ARHGAP32: variants seen among roughly 807,000 people sequenced by gnomAD.
ARHGAP32 encodes the protein Rho GTPase activating protein 32.
Under a neutral mutation model 186.5 loss-of-function variants are expected in ARHGAP32, and 51 were observed. That is an observed-to-expected ratio of 0.27 (90% confidence interval 0.22 to 0.35). ARHGAP32 has a LOEUF of 0.35. Ranked by LOEUF, ARHGAP32 falls within the 10% of genes least tolerant of loss-of-function variation. The pLI is 1.00. For synonymous variants in ARHGAP32, 950 were observed against 964.3 expected, an observed-to-expected ratio of 0.99 and a Z score of 0.27; for missense variants, 2,186 against 2,623.5, an observed-to-expected ratio of 0.83 and a Z score of 3.64.
At chr11:129,025,352 G>C (rs1938788608) in intron 11 of ARHGAP32, among the ~76,000 whole-genome samples, 2 of 152,094 alleles carry the variant, frequency 1.3e-5, no homozygotes, top group Admixed American at 1.3e-4. Flanking sequence ...TCTGAACATA[G>C]AATTGTTGAT....
chr11:129,109,218 CA>C (rs1942135902), intron 5 of ARHGAP32, among the ~76,000 whole-genome samples: 1 of 152,058 alleles, frequency 6.6e-6, no homozygotes, highest in African/African-American at 2.4e-5. Context: ...CATGTTGCTG[CA>C]AATGACAGAA....
chr11:129,156,305 C>T (rs944461974), intron 2 of ARHGAP32, among the ~76,000 whole-genome samples: 1 of 152,188 alleles, frequency 6.6e-6, no homozygotes, highest in Non-Finnish European at 1.5e-5. Flanking sequence ...TCAGCCAATC[C>T]CACCCCCAAG....
intron 11 of ARHGAP32, among the ~76,000 whole-genome samples, chr11:129,014,281 A>G (rs1042412815): frequency 6.6e-6 from 1 of 152,232 alleles, no homozygotes; most frequent in African/African-American, 2.4e-5. Flanking sequence ...TTATGATACC[A>G]ATAACCAGTT....
chr11:129,139,639 TAA>T (rs1237158343), intron 2 of ARHGAP32, among the ~76,000 whole-genome samples: 3 of 152,234 alleles, frequency 2.0e-5, no homozygotes, highest in Admixed American at 1.3e-4. Flanking sequence ...GACAGTTTTA[TAA>T]AGAGTTCTCC....
intron 1 of ARHGAP32, among the ~76,000 whole-genome samples, chr11:129,177,452 C>T (rs572699004): frequency 1.3e-5 from 2 of 152,260 alleles, no homozygotes; most frequent in African/African-American, 4.8e-5. Context: ...CCAGCATCAT[C>T]CTGATACCAA....
intron 21 of ARHGAP32, 191 bp from the exon 22 acceptor site, chr11:128,973,623 C>T: frequency 1.6e-6 from 1 of 632,112 alleles, no homozygotes; most frequent in East Asian, 2.8e-5. Context: ...AAAACTAAAA[C>T]AAACAGTGTA....
chr11:128,993,191 C>T (rs1481010439), intron 12 of ARHGAP32: 1 of 152,096 alleles, frequency 6.6e-6, no homozygotes, highest in Non-Finnish European at 1.5e-5. Context: ...AGGAAATATT[C>T]AGAGAATTAA....
At chr11:129,189,363 T>A (rs373314444) in intron 1 of ARHGAP32, among the ~76,000 whole-genome samples, 1 of 152,182 alleles carries the variant, frequency 6.6e-6, no homozygotes, top group Non-Finnish European at 1.5e-5. Flanking sequence ...AAATGATACC[T>A]GCTTTATAGG....
At chr11:128,999,465 C>T (rs936189025) in intron 11 of ARHGAP32, among the ~76,000 whole-genome samples, 2 of 152,132 alleles carry the variant, frequency 1.3e-5, no homozygotes, top group Non-Finnish European at 2.9e-5. Flanking sequence ...CGCTCTGCCC[C>T]CATTTGCCTT....
At chr11:129,141,516 A>G (rs1943052038) in intron 2 of ARHGAP32, among the ~76,000 whole-genome samples, 1 of 152,040 alleles carries the variant, frequency 6.6e-6, no homozygotes, top group Admixed American at 6.6e-5. Flanking sequence ...AGAAATACCT[A>G]ATGTAAATGA....
chr11:129,170,526 C>A (rs1943737462), intron 1 of ARHGAP32, among the ~76,000 whole-genome samples: 1 of 152,174 alleles, frequency 6.6e-6, no homozygotes, highest in African/African-American at 2.4e-5. Context: ...CTTTTTATGG[C>A]TTCATAGTAT....
chr11:129,244,976 T>C (rs913512012), intron 1 of ARHGAP32, among the ~76,000 whole-genome samples: 7 of 151,742 alleles, frequency 4.6e-5, no homozygotes, highest in South Asian at 2.1e-4. Flanking sequence ...TGTGGACAAA[T>C]AGGAACACTT....
intron 1 of ARHGAP32, among the ~76,000 whole-genome samples, chr11:129,174,020 T>A (rs1243360321): frequency 6.6e-6 from 1 of 152,210 alleles, no homozygotes; most frequent in African/African-American, 2.4e-5. Flanking sequence ...TGCATTTCCA[T>A]CTGAGGTACC....
chr11:129,013,613 T>C (rs1487228530), intron 11 of ARHGAP32, among the ~76,000 whole-genome samples: 1 of 152,214 alleles, frequency 6.6e-6, no homozygotes, highest in Non-Finnish European at 1.5e-5. Context: ...GATAGATTAA[T>C]TTCCCTGCCT....
intron 2 of ARHGAP32, among the ~76,000 whole-genome samples, chr11:129,145,338 G>T (rs548723663): frequency 1.2e-3 from 145 of 116,956 alleles, no homozygotes; most frequent in African/African-American, 4.1e-3. Flanking sequence ...AAATATAAAT[G>T]ATATAAATTC....
At chr11:129,259,208 A>G (rs11221621) in intron 1 of ARHGAP32, among the ~76,000 whole-genome samples, 82,066 of 151,968 alleles carry the variant, frequency 0.54, 22,465 homozygotes, top group East Asian at 0.68. Flanking sequence ...AACAATATAA[A>G]CTAGAACCAG....
At chr11:129,039,001 T>A (rs1390545780) in intron 11 of ARHGAP32, among the ~76,000 whole-genome samples, 1 of 151,230 alleles carries the variant, frequency 6.6e-6, no homozygotes, top group Non-Finnish European at 1.5e-5. Context: ...TGACTAAACA[T>A]GATTAGCCAA....
Position 128,972,993 on chromosome 11 carries a change from T to C in ARHGAP32, c.3513A>G (p.Leu1171=), listed in dbSNP as rs761547109. The C allele has an allele frequency of 1.2e-6, 2 of 1,614,096 alleles. No individual in the cohort carries two copies. Among genetic ancestry groups the C allele is most frequent in the Non-Finnish European group, 1.7e-6 (2 of 1,180,012 alleles). The stretch of plus-strand genomic sequence containing the variant: ...TTCTGGCCTTTTCTGGGTCCCCAGA[T>C]AAATATGCTTGATGTGGCTGATTCC... ...LTGNQPHQAY[L]SGDPEKARIT... Residue 1171 remains leucine (L), a synonymous_variant, in exon 22 of 23, where the codon TTA becomes TTG. Coordinates refer to ENST00000682385, the MANE Select transcript of ARHGAP32 (RefSeq NM_001378024.1).
intron 2 of ARHGAP32, among the ~76,000 whole-genome samples, chr11:129,129,474 G>A (rs879524668): frequency 7.1e-5 from 10 of 140,040 alleles, no homozygotes; most frequent in East Asian, 2.3e-4. Context: ...GCCTCTGCCC[G>A]GCCGCCCCGT....
Sources: gnomAD v4.1 joint callset for allele counts (sites outside exome capture counted in the v4.1 genomes callset) on GRCh38, gnomAD v4.1.1 for gene constraint, MANE v1.5 for transcripts, NCBI Gene and HGNC (gene_info 2026-07-23, HGNC 2026-07-21) for gene names.